The following SLC35F4 variants were observed in gnomAD, a reference collection of about 807,000 sequenced individuals.
SLC35F4 encodes chromosome 14 open reading frame 36.
In SLC35F4, 24 loss-of-function variants were observed where a neutral mutation model predicts 44.2. That is an observed-to-expected ratio of 0.54 (90% CI 0.39 to 0.76). SLC35F4 has a LOEUF of 0.76. Ranked by LOEUF, SLC35F4 falls within the 30% of genes least tolerant of loss-of-function variation. The pLI, the probability that SLC35F4 is intolerant of heterozygous loss-of-function variation, is 0.00. For synonymous variants in SLC35F4, 238 were observed against 223.6 expected (o/e 1.06, Z -0.57); for missense variants, 562 against 586.1 (o/e 0.96, Z 0.42).
intron 1 of SLC35F4, among the ~76,000 whole-genome samples, chr14:57,946,483 T>C (rs578231859): frequency 1.4e-5 from 2 of 141,754 alleles, no homozygotes; most frequent in South Asian, 2.3e-4. Context: ...TTTTTTTTTT[T>C]TTTTTTTTTG....
chr14:57,950,365 T>A lies in SLC35F4; in HGVS notation n.282+31548A>T, dbSNP rs78994429. Among the ~76,000 whole-genome samples, 3,113 of 152,242 alleles carry A rather than the reference T, an allele frequency of 0.02. 345 individuals carry two copies. The East Asian group carries it at 0.35, about 17-fold the overall frequency. ...TGTATTTCTTTACGTGTGTCTTTCATTTCCAGAAGCTGTGATTGTATTTTA... is the reference window on the plus strand; with the variant it reads ...TGTATTTCTTTACGTGTGTCTTTCAATTCCAGAAGCTGTGATTGTATTTTA... On this transcript the variant is annotated intron_variant and non_coding_transcript_variant, in intron 1 of 1. Transcript: ENST00000556568.
At chr14:57,697,731 A>C (rs2075424186) in intron 1 of SLC35F4, among the ~76,000 whole-genome samples, 2 of 152,066 alleles carry the variant, frequency 1.3e-5, no homozygotes, top group African/African-American at 2.4e-5. Context: ...AAATTCATGT[A>C]AGTAAAAATA....
intron 1 of SLC35F4, among the ~76,000 whole-genome samples, chr14:57,802,451 A>G (rs2078213890): frequency 6.6e-6 from 1 of 152,140 alleles, no homozygotes; most frequent in Non-Finnish European, 1.5e-5. Flanking sequence ...GCAGAAGACA[A>G]GAAATAACCA....
At chr14:57,797,819 A>G (rs1037509754) in intron 1 of SLC35F4, among the ~76,000 whole-genome samples, 2 of 152,136 alleles carry the variant, frequency 1.3e-5, no homozygotes, top group Non-Finnish European at 2.9e-5. Flanking sequence ...TCCTTGCCAT[A>G]TATCTTGACA....
downstream of SLC35F4, among the ~76,000 whole-genome samples, chr14:57,974,626 G>A (rs750047423): frequency 6.6e-6 from 1 of 152,192 alleles, no homozygotes; most frequent in Non-Finnish European, 1.5e-5. Context: ...AGAATGGGCA[G>A]TTACAGGACT....
intron 1 of SLC35F4, among the ~76,000 whole-genome samples, chr14:57,702,894 G>A (rs924858301): frequency 2.0e-5 from 3 of 152,148 alleles, no homozygotes; most frequent in Non-Finnish European, 4.4e-5. Flanking sequence ...CATAATCAAC[G>A]AGGATAATAA....
chr14:57,609,092 C>T (rs1376226027), intron 1 of SLC35F4, among the ~76,000 whole-genome samples: 2 of 152,006 alleles, frequency 1.3e-5, no homozygotes, highest in Non-Finnish European at 2.9e-5. Context: ...TTTAAGGAGT[C>T]GATAAACCAT....
intron 1 of SLC35F4, among the ~76,000 whole-genome samples, chr14:57,878,157 A>G (rs954782473): frequency 6.6e-6 from 1 of 151,890 alleles, no homozygotes; most frequent in East Asian, 1.9e-4. Context: ...CCCATTTTTA[A>G]TGGGGCTGTT....
At chr14:57,904,460 A>T (rs149927752) in intron 1 of SLC35F4, among the ~76,000 whole-genome samples, 66 of 152,342 alleles carry the variant, frequency 4.3e-4, no homozygotes, top group African/African-American at 1.5e-3. Context: ...CAAGATTGGG[A>T]TACTCACACA....
chr14:57,838,859 A>T (rs957426831), intron 1 of SLC35F4, among the ~76,000 whole-genome samples: 1 of 152,230 alleles, frequency 6.6e-6, no homozygotes, highest in African/African-American at 2.4e-5. Flanking sequence ...AGGATTAGTA[A>T]ATCAGTCCAT....
chr14:57,816,125 T>C (rs1264764745), intron 1 of SLC35F4, among the ~76,000 whole-genome samples: 1 of 152,198 alleles, frequency 6.6e-6, no homozygotes, highest in Non-Finnish European at 1.5e-5. Context: ...GCACTTCACA[T>C]ATCTGCAATC....
intron 1 of SLC35F4, among the ~76,000 whole-genome samples, chr14:57,712,868 G>C (rs2075848116): frequency 6.6e-6 from 1 of 152,178 alleles, no homozygotes; most frequent in Non-Finnish European, 1.5e-5. Flanking sequence ...TCTGAGACTA[G>C]TTGGTCACAG....
chr14:57,740,545 T>C (rs1204257936), intron 1 of SLC35F4, among the ~76,000 whole-genome samples: 1 of 152,106 alleles, frequency 6.6e-6, no homozygotes, highest in East Asian at 1.9e-4. Flanking sequence ...GGTAAAAACA[T>C]ACAGTTTGAT....
At chr14:57,811,464 C>A (rs1036714058) in intron 1 of SLC35F4, among the ~76,000 whole-genome samples, 1 of 152,142 alleles carries the variant, frequency 6.6e-6, no homozygotes, top group Non-Finnish European at 1.5e-5. Context: ...AATAGCCCTT[C>A]CCCTTTCCAC....
chr14:57,981,829 T>G (rs1566525422), intron 1 of SLC35F4: 1 of 152,090 alleles, frequency 6.6e-6, no homozygotes. Context: ...AGACAAACAA[T>G]GTCCATTCCG....
intron 1 of SLC35F4, among the ~76,000 whole-genome samples, chr14:57,739,508 T>C (rs2076551474): frequency 1.3e-5 from 2 of 152,198 alleles, no homozygotes; most frequent in Non-Finnish European, 2.9e-5. Flanking sequence ...GAAAAGGTAA[T>C]ATCAAATGGG....
chr14:57,571,414 A>C (rs1376920970), intron 5 of SLC35F4, among the ~76,000 whole-genome samples: 3 of 152,238 alleles, frequency 2.0e-5, no homozygotes, highest in Non-Finnish European at 2.9e-5. Context: ...ATATGTGCCA[A>C]ACAGCTCTCT....
intron 1 of SLC35F4, among the ~76,000 whole-genome samples, chr14:57,642,142 G>A (rs1250851767): frequency 6.6e-6 from 1 of 151,856 alleles, no homozygotes; most frequent in Non-Finnish European, 1.5e-5. Context: ...AAATAAAATA[G>A]CAATAAGGCC....
intron 1 of SLC35F4, among the ~76,000 whole-genome samples, chr14:57,960,041 C>A (rs894984265): frequency 1.3e-5 from 2 of 152,148 alleles, no homozygotes; most frequent in Non-Finnish European, 2.9e-5. Context: ...GCCAGTCTGC[C>A]TGAGGGGGAC....
Sources: allele counts gnomAD v4.1 joint callset (sites outside exome capture counted in the v4.1 genomes callset), GRCh38; gene constraint gnomAD v4.1.1; transcripts MANE v1.5; gene names NCBI Gene and HGNC (gene_info 2026-07-23, HGNC 2026-07-21).